Variants in CACNA1C observed in about 807,000 individuals in gnomAD.
CACNA1C encodes the protein voltage-dependent L-type calcium channel subunit alpha-1C.
A neutral mutation model predicts 229.0 loss-of-function variants in CACNA1C; 30 were observed. That is an observed-to-expected ratio of 0.13 (90% CI 0.10 to 0.18). CACNA1C has a LOEUF of 0.18. Ranked by LOEUF, CACNA1C falls within the 10% of genes least tolerant of loss-of-function variation. The pLI is 1.00. For synonymous variants in CACNA1C, 1,114 were observed against 1,132.5 expected (o/e 0.98, Z 0.33); for missense variants, 1,658 against 2,845.0 (o/e 0.58, Z 9.49).
At chr12:2,411,261 G>A (rs188032860) in intron 3 of CACNA1C, among the ~76,000 whole-genome samples, 2 of 152,188 alleles carry the variant, frequency 1.3e-5, no homozygotes, top group East Asian at 1.9e-4. Flanking sequence ...CTGCAATGAA[G>A]GCAGGCCTTA....
chr12:2,403,907 A>G lies in CACNA1C; in HGVS notation c.478-45069A>G, dbSNP rs2098706861. 6.6e-6 allele frequency among the ~76,000 whole-genome samples: 1 copy of G among 152,130 alleles called. No homozygotes were observed. The highest frequency in any genetic ancestry group is 2.4e-5 in the African/African-American group (1 of 41,426). On this transcript the variant is annotated intron_variant, in intron 3 of 46. Coordinates refer to ENST00000399655, the MANE Select transcript of CACNA1C (RefSeq NM_000719.7). The surrounding 1 kb of genome is among the most constrained non-coding windows in gnomAD (Gnocchi z 4.1). ...CTCAGAGATGCCTGTTTCCACCTAG[A>G]GGAAAGACTTAATGATTCTCACCCT...
intron 3 of CACNA1C, among the ~76,000 whole-genome samples, chr12:2,156,026 A>G (rs1039648643): frequency 2.0e-5 from 3 of 152,344 alleles, no homozygotes; most frequent in African/African-American, 7.2e-5. Context: ...ACACAAGAAC[A>G]AGAGTGAATC....
chr12:2,228,087 T>C (rs779625364), intron 3 of CACNA1C, among the ~76,000 whole-genome samples: 1 of 152,130 alleles, frequency 6.6e-6, no homozygotes, highest in East Asian at 1.9e-4. Flanking sequence ...CTGGGACACA[T>C]GTGAATAGAG....
At chr12:2,047,395 C>T (rs189501501) in intron 1 of CACNA1C, among the ~76,000 whole-genome samples, 1 of 152,248 alleles carries the variant, frequency 6.6e-6, no homozygotes, top group East Asian at 1.9e-4. Context: ...AGGTAGGTAC[C>T]ATTATTAGCT....
At chr12:2,015,417 A>G (rs2045190861) in intron 1 of CACNA1C, among the ~76,000 whole-genome samples, 1 of 152,216 alleles carries the variant, frequency 6.6e-6, no homozygotes, top group African/African-American at 2.4e-5. Flanking sequence ...CCTGTTTGCC[A>G]GGGCCTAAGG....
intron 10 of CACNA1C, among the ~76,000 whole-genome samples, chr12:2,556,091 G>A (rs1241605773): frequency 6.6e-6 from 1 of 152,172 alleles, no homozygotes; most frequent in Non-Finnish European, 1.5e-5. Flanking sequence ...GCTGACAGGT[G>A]CCTTCTAATG....
At chr12:2,357,454 T>C (rs2154529273) in intron 3 of CACNA1C, among the ~76,000 whole-genome samples, 1 of 152,298 alleles carries the variant, frequency 6.6e-6, no homozygotes, top group Admixed American at 6.5e-5. Flanking sequence ...GGAGAGGTTC[T>C]TCTTTTCTCC....
chr12:2,525,058 G>A (rs760887105), intron 9 of CACNA1C, among the ~76,000 whole-genome samples: 1 of 152,208 alleles, frequency 6.6e-6, no homozygotes, highest in Admixed American at 6.5e-5. Flanking sequence ...TGAGTTCAGG[G>A]TGCACAGGGG....
chr12:2,453,552 C>T (rs986841333), intron 4 of CACNA1C, among the ~76,000 whole-genome samples: 6 of 152,112 alleles, frequency 3.9e-5, no homozygotes, highest in Non-Finnish European at 7.4e-5. Flanking sequence ...ACGCCCTTTT[C>T]CCTATTTTTC....
chr12:2,109,164 C>G (rs564811793), intron 1 of CACNA1C, among the ~76,000 whole-genome samples: 25 of 152,196 alleles, frequency 1.6e-4, no homozygotes, highest in Non-Finnish European at 3.4e-4. Flanking sequence ...CAAGGCCAAG[C>G]AGGGTGACTG....
chr12:1,999,889 T>C (rs1162054393), intron 1 of CACNA1C, among the ~76,000 whole-genome samples: 2 of 152,216 alleles, frequency 1.3e-5, no homozygotes, highest in South Asian at 2.1e-4. Flanking sequence ...TTCTGAAATG[T>C]GGCTCGTTTG....
At chr12:2,087,394 AT>A (rs1185654307) in intron 1 of CACNA1C, among the ~76,000 whole-genome samples, 1 of 152,202 alleles carries the variant, frequency 6.6e-6, no homozygotes, top group Admixed American at 6.5e-5. Flanking sequence ...TTTAGAGATA[AT>A]TAGAGAACTG....
At chr12:2,251,295 G>A (rs183781581) in intron 3 of CACNA1C, among the ~76,000 whole-genome samples, 4 of 152,300 alleles carry the variant, frequency 2.6e-5, no homozygotes, top group Admixed American at 6.5e-5. Context: ...TCCTGGGATC[G>A]TGACCATCAT....
chr12:2,036,150 A>C (rs530842966), intron 1 of CACNA1C, among the ~76,000 whole-genome samples: 2 of 152,352 alleles, frequency 1.3e-5, no homozygotes, highest in South Asian at 4.1e-4. Context: ...TTCAATACTT[A>C]GTGGAAATAA....
intron 3 of CACNA1C, among the ~76,000 whole-genome samples, chr12:2,324,987 G>C (rs534432912): frequency 6.6e-6 from 1 of 152,348 alleles, no homozygotes; most frequent in East Asian, 1.9e-4. Context: ...CTGAGGCTCA[G>C]AGAGGTTAAA....
chr12:2,629,679 C>T (rs2089384796), intron 29 of CACNA1C, among the ~76,000 whole-genome samples: 1 of 152,206 alleles, frequency 6.6e-6, no homozygotes, highest in Non-Finnish European at 1.5e-5. Context: ...AAGCTTTTCA[C>T]CAGTATGCTG....
At chr12:1,975,297 T>G (rs1451814761) in intron 1 of CACNA1C, among the ~76,000 whole-genome samples, 1 of 152,184 alleles carries the variant, frequency 6.6e-6, no homozygotes, top group Non-Finnish European at 1.5e-5. Flanking sequence ...ATACAAGTTC[T>G]TGGCCAAAAT....
At chr12:2,687,243 G>A (rs1317569632) in intron 45 of CACNA1C, among the ~76,000 whole-genome samples, 1 of 152,230 alleles carries the variant, frequency 6.6e-6, no homozygotes, top group African/African-American at 2.4e-5. Context: ...AGGATGTGGG[G>A]ACACTGTGTG....
chr12:2,243,225 A>G (rs1345911809), intron 3 of CACNA1C, among the ~76,000 whole-genome samples: 1 of 152,216 alleles, frequency 6.6e-6, no homozygotes, highest in Non-Finnish European at 1.5e-5. Context: ...ATATGTCATG[A>G]TCTTACCTCT....
Sources: gnomAD v4.1 joint callset for allele counts (sites outside exome capture counted in the v4.1 genomes callset) on GRCh38, gnomAD v4.1.1 for gene constraint, Gnocchi (gnomAD v3.1) non-coding constraint, MANE v1.5 for transcripts, NCBI Gene and HGNC (gene_info 2026-07-23, HGNC 2026-07-21) for gene names.